KLHDC8A: variants seen among roughly 807,000 people sequenced by gnomAD.
KLHDC8A encodes kelch domain-containing protein 8A.
In KLHDC8A, 21 loss-of-function variants were observed where a neutral mutation model predicts 33.1. The observed-to-expected ratio is 0.64, with a 90% CI of 0.45 to 0.91. The LOEUF (loss-of-function observed/expected upper bound fraction) is 0.91. Ranked by LOEUF, KLHDC8A falls within the 40% of genes least tolerant of loss-of-function variation. The pLI is 0.00. For missense variants in KLHDC8A, 435 were observed against 483.3 expected (o/e 0.90, Z 0.94); for synonymous variants, 173 against 193.5 (o/e 0.89, Z 0.88).
chr1:205,356,339 C>T (rs1251875806), intron 1 of KLHDC8A, among the ~76,000 whole-genome samples, 194 bp downstream of exon 1: 1 of 152,084 alleles, frequency 6.6e-6, no homozygotes, highest in African/African-American at 2.4e-5. Flanking sequence ...TGGGAAGGAA[C>T]CTTTAACTTC....
At position 205,337,485 on chromosome 1, in the gene KLHDC8A, C is replaced by T. The variant is rs781507000; in HGVS notation, c.967G>A (p.Val323Ile). Residue 323 changes from valine to isoleucine, a missense_variant, in exon 6 of 6, where the codon GTC becomes ATC. By Grantham distance (29) the Val-to-Ile change is conservative. Coordinates refer to ENST00000367155, the MANE Select transcript of KLHDC8A (RefSeq NM_018203.3). ...PTPRCACSSI[V>I]VKNCLLAVGG... is the part of the protein sequence containing the mutation. ...ACGGCGAGGAGGCAGTTCTTGACGA[C>T]TATGCTGGAGCAGGCACAGCGGGGT... 6.2e-7 allele frequency: 1 copy of T among 1,614,098 alleles called. No individual in the cohort carries two copies. Among genetic ancestry groups the T allele is most frequent in the East Asian group, 2.2e-5 (1 of 44,876 alleles).
At chr1:205,347,486 G>A (rs1292816479) in intron 1 of KLHDC8A, among the ~76,000 whole-genome samples, 1 of 152,158 alleles carries the variant, frequency 6.6e-6, no homozygotes, top group Non-Finnish European at 1.5e-5. Context: ...TTGGGAGGCC[G>A]AGGCAGGTGA....
chr1:205,340,083 T>C (rs1072593), intron 2 of KLHDC8A, among the ~76,000 whole-genome samples: 39,749 of 152,016 alleles, frequency 0.26, 5,367 homozygotes, highest in Non-Finnish European at 0.3. Context: ...GGCATAATCA[T>C]GGTTCACTGC....
In KLHDC8A at chr1:205,338,512, A is replaced by C; in HGVS notation, c.842T>G (p.Ile281Arg). ...ATCCTTACCAAGTCCCCCAGCCACTATGACCCGTCCACTCAGAGAGCCAGC... is the reference window on the plus strand; with the variant it reads ...ATCCTTACCAAGTCCCCCAGCCACTCTGACCCGTCCACTCAGAGAGCCAGC... ...FVAGSLSGRV[I>R]VAGGLGNQPT... Residue 281 changes from isoleucine to arginine, a missense_variant, in exon 5 of 6, where the codon ATA (isoleucine) becomes AGA (arginine). Coordinates refer to ENST00000367155, the MANE Select transcript of KLHDC8A (RefSeq NM_018203.3). 6.2e-7 allele frequency: 1 copy of C among 1,613,850 alleles called. No homozygotes were observed.
chr1:205,340,851 C>G (rs1662771329), intron 2 of KLHDC8A, among the ~76,000 whole-genome samples: 1 of 152,218 alleles, frequency 6.6e-6, no homozygotes, highest in Non-Finnish European at 1.5e-5. Context: ...TGGCAGGGGC[C>G]TTTAGAAATA....
In KLHDC8A at chr1:205,339,733, A is replaced by G; in HGVS notation, c.452T>C (p.Leu151Pro). Residue 151 changes from leucine to proline, a missense_variant, in exon 3 of 6, where the codon CTG becomes CCG. Coordinates refer to ENST00000367155, the MANE Select transcript of KLHDC8A (RefSeq NM_018203.3). The surrounding 1 kb of genome is among the most constrained non-coding windows in gnomAD (Gnocchi z 5.1). ...PHNHLQHYDM[L>P]KDMWVSLAPM... ...TGCTAGGGACACCCACATGTCCTTC[A>G]GCATGTCATAGTGTTGGAGGTGGTT... 6.2e-7 allele frequency: 1 copy of G among 1,614,128 alleles called. No individual in the cohort carries two copies. The highest frequency in any genetic ancestry group is 1.7e-4 in the Middle Eastern group (1 of 6,044).
intron 1 of KLHDC8A, chr1:205,351,300 A>T (rs55962699): frequency 0.18 from 162,812 of 890,980 alleles, 16,974 homozygotes; most frequent in Middle Eastern, 0.27. Context: ...AGAAGTTATC[A>T]TTGAAATTAA....
At chr1:205,352,614 G>A (rs965169056) in intron 1 of KLHDC8A, among the ~76,000 whole-genome samples, 4 of 152,206 alleles carry the variant, frequency 2.6e-5, no homozygotes, top group Admixed American at 6.5e-5. Context: ...AGCTGGCTGC[G>A]AGTGTGTTGT....
chr1:205,348,058 G>A (rs1206644810), intron 1 of KLHDC8A, among the ~76,000 whole-genome samples: 2 of 152,094 alleles, frequency 1.3e-5, no homozygotes, highest in Non-Finnish European at 2.9e-5. Context: ...GTAAGTCTTG[G>A]ATTTGTTAAG....
At chr1:205,344,504 A>ATGAC (rs1662892703) in intron 1 of KLHDC8A, 1 of 152,390 alleles carries the variant, frequency 6.6e-6, no homozygotes, top group African/African-American at 2.4e-5. Flanking sequence ...AAGCACCCAG[A>ATGAC]TGACGGGCAC....
At chr1:205,341,647 GT>G (rs1363575725) in intron 2 of KLHDC8A, among the ~76,000 whole-genome samples, 4 of 105,294 alleles carry the variant, frequency 3.8e-5, no homozygotes, top group Non-Finnish European at 7.8e-5. Flanking sequence ...AATAATCTTT[GT>G]TTCTTTTTCT....
intron 1 of KLHDC8A, chr1:205,348,308 G>C (rs1286577577): frequency 6.6e-6 from 1 of 151,688 alleles, no homozygotes; most frequent in Non-Finnish European, 1.5e-5. Context: ...CATTTCAGGG[G>C]GATAGGAGGG....
In KLHDC8A at chr1:205,339,144, C is replaced by T; in HGVS notation, c.757+50G>A. 1 of 1,517,234 alleles carries T rather than the reference C, an allele frequency of 6.6e-7. No homozygotes were observed. Among genetic ancestry groups the T allele is most frequent in the Non-Finnish European group, 9.1e-7 (1 of 1,096,828 alleles). 94.0% of individuals were successfully genotyped at this position (1,517,234 alleles called of 1,614,324 possible). On this transcript the variant is annotated intron_variant, in intron 4 of 5. Transcript: ENST00000367155. The surrounding 1 kb of genome is among the most constrained non-coding windows in gnomAD (Gnocchi z 5.1). Reference sequence around the variant, plus strand: ...TAGGGGTAAGGGATGGGGAGCCAGCCAGAAGGGCAGTGGGCAGCCAGAGCT... The same window carrying T: ...TAGGGGTAAGGGATGGGGAGCCAGCTAGAAGGGCAGTGGGCAGCCAGAGCT...
Position 205,356,827 on chromosome 1 carries a change from A to AC in KLHDC8A, c.-485dup, listed in dbSNP as rs1663290794. The AC allele has an allele frequency of 1.8e-5, 5 of 285,556 alleles. No individual in the cohort carries two copies. Among genetic ancestry groups the AC allele is most frequent in the South Asian group, 1.2e-4 (4 of 32,158 alleles). 17.7% of individuals were successfully genotyped at this position (285,556 alleles called of 1,614,324 possible). ...GGGTCCCTGAGTTCCAGGAGGCGTG[A>AC]CCCCCCTACTGAGAGGGCCTCAGCC... On this transcript the variant is annotated 5_prime_UTR_variant, in exon 1 of 6. Transcript: ENST00000367155.
At chr1:205,349,785 C>CG (rs1156757002) in intron 1 of KLHDC8A, among the ~76,000 whole-genome samples, 1 of 152,150 alleles carries the variant, frequency 6.6e-6, no homozygotes, top group African/African-American at 2.4e-5. Flanking sequence ...TATTGCCGCC[C>CG]GGGCCATACT....
chr1:205,339,316 C>G lies in KLHDC8A; in HGVS notation c.635G>C (p.Arg212Pro). 1 of 1,614,162 alleles carries G rather than the reference C, an allele frequency of 6.2e-7. No individual in the cohort carries two copies. The highest frequency in any genetic ancestry group is 1.1e-5 in the South Asian group (1 of 91,078). Reference protein sequence around the residue: ...WTKFPNIPYKRAFSSFVTLDN... With the variant: ...WTKFPNIPYKPAFSSFVTLDN... Reference sequence around the variant, plus strand: ...CAGGGTCACAAAGCTGGAGAAGGCCCGCTTATAGGGAATGTTGGGAAACTT... The same window carrying G: ...CAGGGTCACAAAGCTGGAGAAGGCCGGCTTATAGGGAATGTTGGGAAACTT... The change falls in exon 4 of 6, where the codon CGG becomes CCG. Residue 212 changes from arginine to proline, a missense_variant. Physicochemically the swap from Arg to Pro is moderately radical, Grantham distance 103 (BLOSUM62 -2). Transcript: ENST00000367155. The surrounding 1 kb of genome is among the most constrained non-coding windows in gnomAD (Gnocchi z 5.1).
intron 1 of KLHDC8A, among the ~76,000 whole-genome samples, chr1:205,349,967 C>G (rs1260971852): frequency 6.6e-6 from 1 of 152,156 alleles, no homozygotes; most frequent in Non-Finnish European, 1.5e-5. Context: ...CAGCTGGGGT[C>G]CCTCCCAGCT....
intron 1 of KLHDC8A, among the ~76,000 whole-genome samples, chr1:205,350,124 C>G (rs919467874): frequency 1.3e-5 from 2 of 152,224 alleles, no homozygotes; most frequent in African/African-American, 4.8e-5. Context: ...GCCCCACCAG[C>G]TCTCACAAGC....
In KLHDC8A at chr1:205,337,408, A is replaced by G. The variant is rs1255271738; in HGVS notation, c.1044T>C (p.Ser348=). Residue 348 remains serine, a synonymous_variant, in exon 6 of 6, where the codon TCT becomes TCC. Coordinates refer to ENST00000367155, the MANE Select transcript of KLHDC8A (RefSeq NM_018203.3). ...CTGAGCCCAGAGACAGCTAGGAGTC[A>G]GAGACACACAGGGCCTCCACTGCGT... ...LSDAVEALCV[S]DS 1 of 1,612,860 alleles carries G rather than the reference A, an allele frequency of 6.2e-7. No individual in the cohort carries two copies. The highest frequency in any genetic ancestry group is 1.3e-5 in the African/African-American group (1 of 75,042).
Sources: gnomAD v4.1 joint callset for allele counts (sites outside exome capture counted in the v4.1 genomes callset) on GRCh38, gnomAD v4.1.1 for gene constraint, Gnocchi (gnomAD v3.1) non-coding constraint, MANE v1.5 for transcripts, NCBI Gene and HGNC (gene_info 2026-07-23, HGNC 2026-07-21) for gene names.